The following MTO1 variants were observed in gnomAD, a reference collection of about 807,000 sequenced individuals.
MTO1 encodes the protein 5-taurinomethyluridine-[tRNA] synthase subunit MTO1, mitochondrial.
In MTO1, 46 loss-of-function variants were observed where a neutral mutation model predicts 71.6. The observed-to-expected ratio is 0.64, with a 90% CI of 0.51 to 0.82. The LOEUF (loss-of-function observed/expected upper bound fraction) is 0.82, where lower values mean the gene tolerates loss of function less well. Among genes scored for constraint, MTO1 ranks in the 40% least tolerant of loss-of-function variants. The pLI is 0.00. For missense variants in MTO1, 773 were observed against 867.5 expected (o/e 0.89, Z 1.37); for synonymous variants, 297 against 312.1 (o/e 0.95, Z 0.51).
At chr6:73,496,324 A>C (rs1405263987) in intron 10 of MTO1, among the ~76,000 whole-genome samples, 1 of 152,202 alleles carries the variant, frequency 6.6e-6, no homozygotes, top group Non-Finnish European at 1.5e-5. Context: ...GAATGCTTTA[A>C]ACAAAATAAT....
Position 73,492,259 on chromosome 6 carries a change from G to A in MTO1, c.1663G>A (p.Glu555Lys). 6.2e-7 allele frequency: 1 copy of A among 1,613,380 alleles called. No homozygotes were observed. Among genetic ancestry groups the A allele is most frequent in the South Asian group, 1.1e-5 (1 of 91,054 alleles). ...AGCTCTCGATGTTCTGAAGTATGAG[G>A]AAGTTGACATGGATTCATTAGCCAA... ...VRALDVLKYE[E>K]VDMDSLAKAV... Residue 555 changes from glutamate to lysine, a missense_variant, in exon 10 of 12, where the codon GAA becomes AAA. Glu to Lys is a moderately conservative substitution (Grantham distance 56). Coordinates refer to ENST00000498286, the MANE Select transcript of MTO1 (RefSeq NM_012123.4).
chr6:73,498,832 C>G (rs1466655005), intron 11 of MTO1, among the ~76,000 whole-genome samples: 1 of 151,854 alleles, frequency 6.6e-6, no homozygotes, highest in African/African-American at 2.4e-5. Context: ...TCAAGCGATT[C>G]CCCTACCTCA....
At chr6:73,465,603 T>G (rs1198705073) in intron 1 of MTO1, among the ~76,000 whole-genome samples, 3 of 152,176 alleles carry the variant, frequency 2.0e-5, no homozygotes. Context: ...ATACTTGGTT[T>G]AGAAAGGTTT....
In MTO1 at chr6:73,482,482, G is replaced by T; in HGVS notation, c.1499G>T (p.Arg500Leu). 6.2e-7 allele frequency: 1 copy of T among 1,613,294 alleles called. No individual in the cohort carries two copies. The highest frequency in any genetic ancestry group is 1.7e-5 in the Admixed American group (1 of 59,908). Reference protein sequence around the residue: ...YKDAGCVSQQRYERACWMKSS... With the variant: ...YKDAGCVSQQLYERACWMKSS... Reference sequence around the variant, plus strand: ...GACGCTGGCTGTGTGTCCCAACAACGATATGAAAGAGCTTGTTGGATGAAG... The same window carrying T: ...GACGCTGGCTGTGTGTCCCAACAACTATATGAAAGAGCTTGTTGGATGAAG... The change falls in exon 9 of 12, where the codon CGA becomes CTA. Residue 500 changes from arginine (R) to leucine (L), a missense_variant. Coordinates refer to ENST00000498286, the MANE Select transcript of MTO1 (RefSeq NM_012123.4).
In MTO1 at chr6:73,482,520, G is replaced by T; in HGVS notation, c.1537G>T (p.Glu513Ter). ...RACWMKSSLEEGISVLKSIEF... is the reference protein window; with the variant it reads ...RACWMKSSLE ...TTGTTGGATGAAGTCTTCTTTAGAA[G>T]AAGGCATTTCTGTGTTGAAATCTAT... is the stretch of plus-strand genomic sequence containing the variant. The change falls in exon 9 of 12, where the codon GAA (glutamate) becomes TAA (stop). Residue 513 changes from glutamate to a stop codon, truncating the protein, a stop_gained. Coordinates refer to ENST00000498286, the MANE Select transcript of MTO1 (RefSeq NM_012123.4). LOFTEE classifies it high-confidence loss of function. 1 of 1,613,182 alleles carries T rather than the reference G, an allele frequency of 6.2e-7. No homozygotes were observed. Among genetic ancestry groups the T allele is most frequent in the South Asian group, 1.1e-5 (1 of 91,036 alleles).
chr6:73,481,920 C>T, intron 7 of MTO1, 120 bp from the exon 8 acceptor site: 1 of 994,266 alleles, frequency 1.0e-6, no homozygotes, highest in Non-Finnish European at 1.6e-6. Flanking sequence ...CTATTATATC[C>T]CTTAGGGGCA....
rs767931529 is a variant in MTO1, at chr6:73,482,487, G to A, written c.1504G>A (p.Glu502Lys). ...DAGCVSQQRY[E>K]RACWMKSSLE... ...TGGCTGTGTGTCCCAACAACGATAT[G>A]AAAGAGCTTGTTGGATGAAGTCTTC... The change falls in exon 9 of 12, where the codon GAA becomes AAA. Residue 502 changes from glutamate (E) to lysine (K), a missense_variant. Physicochemically the swap from Glu to Lys is moderately conservative, Grantham distance 56 (BLOSUM62 1). Coordinates refer to ENST00000498286, the MANE Select transcript of MTO1 (RefSeq NM_012123.4). 1.2e-6 allele frequency: 2 copies of A among 1,613,430 alleles called. No homozygotes were observed. The highest frequency in any genetic ancestry group is 1.3e-5 in the African/African-American group (1 of 75,016).
At chr6:73,466,696 C>G (rs761428416) in intron 3 of MTO1, 90 bp downstream of exon 3, 1 of 1,139,974 alleles carries the variant, frequency 8.8e-7, no homozygotes, top group Non-Finnish European at 1.3e-6. Flanking sequence ...AGATATGTTG[C>G]TTATTCAAGG....
intron 1 of MTO1, chr6:73,464,181 A>T (rs1481563481): frequency 6.6e-6 from 1 of 152,190 alleles, no homozygotes; most frequent in Non-Finnish European, 1.5e-5. Context: ...TATTTTTAAA[A>T]AATAATAATA....
chr6:73,494,927 G>A (rs1250084563), intron 10 of MTO1, among the ~76,000 whole-genome samples: 6 of 151,714 alleles, frequency 4.0e-5, no homozygotes, highest in Non-Finnish European at 7.4e-5. Context: ...CTATAGGCGC[G>A]CACCACCACA....
At chr6:73,469,895 C>T (rs1183573591) in intron 3 of MTO1, among the ~76,000 whole-genome samples, 1 of 151,914 alleles carries the variant, frequency 6.6e-6, no homozygotes, top group African/African-American at 2.4e-5. Context: ...ATCCTAGCCA[C>T]TCGGGAGGCT....
Position 73,508,278 on chromosome 6 carries a change from A to ATTT in MTO1, c.*7543_*7544insTTT, listed in dbSNP as rs1772342990. 1 of 152,184 alleles carries ATTT rather than the reference A, an allele frequency of 6.6e-6. No homozygotes were observed. 9.4% of individuals were successfully genotyped at this position (152,184 alleles called of 1,614,324 possible). On this transcript the variant is annotated 3_prime_UTR_variant, in exon 12 of 12. Coordinates refer to ENST00000498286, the MANE Select transcript of MTO1 (RefSeq NM_012123.4). ...TTTCTTAGAATTTGCTAGGCTAAAC[A>ATTT]ACTATTTTTTAGTCCAGTGGCTTGT...
intron 3 of MTO1, among the ~76,000 whole-genome samples, chr6:73,472,522 CAT>C (rs1174875856): frequency 6.6e-6 from 1 of 152,100 alleles, no homozygotes; most frequent in African/African-American, 2.4e-5. Flanking sequence ...AGATTGATAA[CAT>C]ATTAGCCTTC....
chr6:73,473,689 G>T (rs765990993), intron 4 of MTO1, 35 bp downstream of exon 4: 4 of 1,493,396 alleles, frequency 2.7e-6, no homozygotes, highest in East Asian at 2.4e-5. Flanking sequence ...CTTACAGCTG[G>T]TATTGGCTAT....
intron 9 of MTO1, among the ~76,000 whole-genome samples, chr6:73,484,097 A>C (rs1465861728): frequency 6.6e-6 from 1 of 151,950 alleles, no homozygotes; most frequent in Non-Finnish European, 1.5e-5. Flanking sequence ...TATTTTCATG[A>C]GGGTTTCCCA....
At position 73,497,915 on chromosome 6, in the gene MTO1, G is replaced by A. The variant is rs1195824213; in HGVS notation, c.1917+19G>A. 1.3e-6 allele frequency: 2 copies of A among 1,591,014 alleles called. No homozygotes were observed. Among genetic ancestry groups the A allele is most frequent in the Non-Finnish European group, 1.7e-6 (2 of 1,164,206 alleles). On this transcript the variant is annotated intron_variant, in intron 11 of 11. Coordinates refer to ENST00000498286, the MANE Select transcript of MTO1 (RefSeq NM_012123.4). ...ACAGACGGTAAGAAAATAGGCAGGA[G>A]AATAGAAACAAGTTATAGATAAAGA... is the stretch of plus-strand genomic sequence containing the variant.
chr6:73,470,643 A>G (rs935812222), intron 3 of MTO1, among the ~76,000 whole-genome samples: 1 of 152,170 alleles, frequency 6.6e-6, no homozygotes, highest in Non-Finnish European at 1.5e-5. Flanking sequence ...GAGTGAAAAG[A>G]TAGTCTGTCT....
intron 10 of MTO1, among the ~76,000 whole-genome samples, chr6:73,494,775 C>CT (rs532648226): frequency 0.2 from 26,180 of 131,346 alleles, 2,592 homozygotes; most frequent in Middle Eastern, 0.26. Context: ...TGCTCCTGGC[C>CT]TTTTTTTTTT....
intron 1 of MTO1, among the ~76,000 whole-genome samples, chr6:73,465,373 AG>A (rs1770953873): frequency 6.6e-6 from 1 of 152,050 alleles, no homozygotes; most frequent in Non-Finnish European, 1.5e-5. Flanking sequence ...CGTGTCGCCC[AG>A]GGTGGTCTCA....
Sources: gnomAD v4.1 joint callset for allele counts (sites outside exome capture counted in the v4.1 genomes callset) on GRCh38, gnomAD v4.1.1 for gene constraint, MANE v1.5 for transcripts, NCBI Gene and HGNC (gene_info 2026-07-23, HGNC 2026-07-21) for gene names.